Variants in POC1B observed in about 807,000 individuals in gnomAD.
POC1B encodes the protein POC1 centriolar protein homolog B.
Under a neutral mutation model 60.6 loss-of-function variants are expected in POC1B, and 44 were observed. The ratio of observed to expected loss-of-function variants is 0.73; its 90% CI spans 0.57 to 0.93. The LOEUF is 0.93. Ranked by LOEUF, POC1B falls within the 40% of genes least tolerant of loss-of-function variation. POC1B has a pLI of 0.00. For missense variants in POC1B, 555 were observed against 572.3 expected, an observed-to-expected ratio of 0.97 and a Z score of 0.31; for synonymous variants, 180 against 198.9, an observed-to-expected ratio of 0.90 and a Z score of 0.80.
chr12:89,424,576 T>A (rs1407249125), intron 11 of POC1B, among the ~76,000 whole-genome samples: 4 of 152,176 alleles, frequency 2.6e-5, no homozygotes, highest in Non-Finnish European at 5.9e-5. Context: ...GAACAATGAA[T>A]CAACAGAGTT....
the POC1B span, among the ~76,000 whole-genome samples, chr12:89,413,749 T>C: frequency 6.6e-6 from 1 of 152,196 alleles, no homozygotes; most frequent in African/African-American, 2.4e-5. Context: ...TTTTTTTTAC[T>C]TCCATGCAGT....
chr12:89,453,361 A>G (rs1235247785), intron 10 of POC1B, among the ~76,000 whole-genome samples: 4 of 152,186 alleles, frequency 2.6e-5, no homozygotes, highest in African/African-American at 9.7e-5. Flanking sequence ...AAAGGAAGAT[A>G]AATTGAGGGA....
At chr12:89,444,327 C>T (rs1881667898) in intron 10 of POC1B, among the ~76,000 whole-genome samples, 1 of 152,140 alleles carries the variant, frequency 6.6e-6, no homozygotes, top group Non-Finnish European at 1.5e-5. Context: ...GACCAATATC[C>T]CTGATGAACA....
chr12:89,413,534 G>A, the POC1B span, among the ~76,000 whole-genome samples: 1 of 152,132 alleles, frequency 6.6e-6, no homozygotes, highest in African/African-American at 2.4e-5. Flanking sequence ...ACATGTTGGG[G>A]TTTCCTTTCT....
Position 89,425,330 on chromosome 12 carries a change from C to T in POC1B, c.1163G>A (p.Cys388Tyr), listed in dbSNP as rs760396863. ...TAAGGAAGGGTTCAAGAAATATCCA[C>T]AGGCCTCTTCACCCTTGTCTGGCAG... ...RTLPDKGEEA[C>Y]GYFLNPSLMS... is the part of the protein sequence containing the mutation. Residue 388 changes from cysteine to tyrosine, a missense_variant, in exon 11 of 12, where the codon TGT becomes TAT. Physicochemically the swap from Cys to Tyr is radical, Grantham distance 194. Transcript: ENST00000313546. The T allele has an allele frequency of 1.4e-5, 22 of 1,614,064 alleles. 1 individual carries two copies. In the South Asian group the frequency reaches 2.4e-4, roughly 18 times the overall value.
At chr12:89,476,165 C>G (rs1028503394) in intron 4 of POC1B, among the ~76,000 whole-genome samples, 5 of 151,968 alleles carry the variant, frequency 3.3e-5, no homozygotes, top group Non-Finnish European at 7.4e-5. Flanking sequence ...CCTTCACCTC[C>G]CAAAGTGCTA....
intron 2 of POC1B, chr12:89,524,242 T>C (rs1436243647): frequency 1.2e-6 from 2 of 1,613,882 alleles, no homozygotes; most frequent in Non-Finnish European, 1.7e-6. Flanking sequence ...GAGGTAAATA[T>C]TGATGGCGTA....
At chr12:89,458,560 A>G (rs1037528526) in intron 10 of POC1B, among the ~76,000 whole-genome samples, 1 of 152,162 alleles carries the variant, frequency 6.6e-6, no homozygotes, top group African/African-American at 2.4e-5. Context: ...CTTCTCTGCT[A>G]TGGGATTAAC....
At chr12:89,432,976 C>A (rs897965988) in intron 10 of POC1B, among the ~76,000 whole-genome samples, 1 of 152,058 alleles carries the variant, frequency 6.6e-6, no homozygotes, top group Admixed American at 6.6e-5. Context: ...AGACTACTGG[C>A]CCAGAAGTCA....
At chr12:89,438,284 C>T (rs1881362803) in intron 10 of POC1B, among the ~76,000 whole-genome samples, 1 of 152,032 alleles carries the variant, frequency 6.6e-6, no homozygotes, top group Non-Finnish European at 1.5e-5. Context: ...GGTGAAACCC[C>T]GTCTCTACTA....
intron 10 of POC1B, among the ~76,000 whole-genome samples, chr12:89,437,207 C>T (rs922911199): frequency 6.6e-6 from 1 of 152,312 alleles, no homozygotes; most frequent in South Asian, 2.1e-4. Context: ...CCTCCAACCC[C>T]TCCTTTTTCA....
chr12:89,525,626 C>T (rs1007762047), intron 1 of POC1B: 3 of 1,281,276 alleles, frequency 2.3e-6, no homozygotes, highest in East Asian at 3.0e-5. Context: ...ATTCTGGGGG[C>T]CGTGGGGCCG....
chr12:89,485,842 C>T (rs971733865), intron 4 of POC1B, among the ~76,000 whole-genome samples: 3 of 152,298 alleles, frequency 2.0e-5, no homozygotes, highest in Admixed American at 2.0e-4. Context: ...ATTGATTCAA[C>T]CATATTTTTG....
chr12:89,407,236 G>GT, the POC1B span, among the ~76,000 whole-genome samples: 3 of 150,900 alleles, frequency 2.0e-5, no homozygotes, highest in Non-Finnish European at 1.5e-5. Flanking sequence ...TGGGGGGTGT[G>GT]TGTCGGAGGG....
Position 89,437,652 on chromosome 12 carries a change from A to G in POC1B, c.1114-12273T>C, listed in dbSNP as rs182249678. 5.1e-5 allele frequency among the ~76,000 whole-genome samples: 7 copies of G among 138,072 alleles called. No homozygotes were observed. The East Asian group carries it at 1.0e-3, about 21-fold the overall frequency. The allele number at this position is 138,072 out of a possible 152,430, so 90.6% of individuals were successfully genotyped here. Reference sequence around the variant, plus strand: ...TTTAAACACTCCACTAATTACCCCCATAGCAATTTAGGCCCATATCATTAT... The same window carrying G: ...TTTAAACACTCCACTAATTACCCCCGTAGCAATTTAGGCCCATATCATTAT... On this transcript the variant is annotated intron_variant, in intron 10 of 11. Transcript: ENST00000313546.
At chr12:89,452,082 A>T (rs1486858359) in intron 10 of POC1B, among the ~76,000 whole-genome samples, 1 of 152,066 alleles carries the variant, frequency 6.6e-6, no homozygotes, top group Non-Finnish European at 1.5e-5. Flanking sequence ...ATCTCAGAGG[A>T]TGTTTCTCTT....
At chr12:89,448,515 CA>C (rs1412628158) in intron 10 of POC1B, among the ~76,000 whole-genome samples, 2 of 152,186 alleles carry the variant, frequency 1.3e-5, no homozygotes, top group African/African-American at 4.8e-5. Context: ...TCTCAACAGA[CA>C]GACAAAAACT....
At chr12:89,405,607 T>C in the POC1B span, among the ~76,000 whole-genome samples, 1 of 151,016 alleles carries the variant, frequency 6.6e-6, no homozygotes, top group Non-Finnish European at 1.5e-5. Context: ...TGGCTGCAAG[T>C]AATAAAAAAA....
At chr12:89,500,326 C>T (rs10777171) in intron 2 of POC1B, 2 of 1,512,234 alleles carry the variant, frequency 1.3e-6, no homozygotes, top group Admixed American at 3.5e-5. Context: ...GCAAAGAGTG[C>T]CAGAAATCAC....
Sources: allele counts gnomAD v4.1 joint callset (sites outside exome capture counted in the v4.1 genomes callset), GRCh38; gene constraint gnomAD v4.1.1; transcripts MANE v1.5; gene names NCBI Gene and HGNC (gene_info 2026-07-23, HGNC 2026-07-21).